SMG6: variants seen among roughly 807,000 people sequenced by gnomAD.
SMG6 encodes telomerase-binding protein EST1A.
SMG6 carries 66 observed loss-of-function variants against 142.2 expected under a neutral mutation model. The ratio of observed to expected loss-of-function variants is 0.46; its 90% CI spans 0.38 to 0.57. The LOEUF is 0.57. Ranked by LOEUF, SMG6 falls within the 20% of genes least tolerant of loss-of-function variation. SMG6 has a pLI of 0.00. For missense variants in SMG6, 1,793 were observed against 1,832.0 expected (o/e 0.98, Z 0.39); for synonymous variants, 779 against 702.4 (o/e 1.11, Z -1.72).
intron 13 of SMG6, among the ~76,000 whole-genome samples, chr17:2,112,327 A>AC (rs2069349660): frequency 6.6e-6 from 1 of 151,134 alleles, no homozygotes; most frequent in Admixed American, 6.6e-5. Flanking sequence ...ACATGGTGAA[A>AC]CCCCGTCTCT....
chr17:2,079,208 C>A (rs2068342092), intron 15 of SMG6, among the ~76,000 whole-genome samples: 3 of 152,198 alleles, frequency 2.0e-5, no homozygotes, highest in Admixed American at 6.5e-5. Flanking sequence ...AAATGATCCA[C>A]CCACCGTGGC....
intron 10 of SMG6, chr17:2,213,695 G>A (rs1213739822): frequency 6.6e-6 from 1 of 152,128 alleles, no homozygotes; most frequent in Non-Finnish European, 1.5e-5. Flanking sequence ...CAATGCCAGG[G>A]TAAAACACCC....
chr17:2,074,254 T>C (rs555212357), intron 15 of SMG6, among the ~76,000 whole-genome samples: 2 of 152,028 alleles, frequency 1.3e-5, no homozygotes, highest in East Asian at 3.9e-4. Context: ...CTGATTTCTA[T>C]GAAAAGACTT....
intron 13 of SMG6, among the ~76,000 whole-genome samples, chr17:2,102,295 T>G (rs946318196): frequency 6.6e-6 from 1 of 152,214 alleles, no homozygotes; most frequent in African/African-American, 2.4e-5. Context: ...CTAATTAACA[T>G]ACCCATCACC....
chr17:2,112,145 G>GT (rs1567606695), intron 13 of SMG6, among the ~76,000 whole-genome samples: 1 of 151,852 alleles, frequency 6.6e-6, no homozygotes, highest in Non-Finnish European at 1.5e-5. Context: ...GGAAAAGGAG[G>GT]TATCTTTACA....
rs529938610 is a variant in SMG6 at position 2,180,537 on chromosome 17, C to T, written c.3155+6126G>A. Among the ~76,000 whole-genome samples, 20 of 152,272 alleles carry T rather than the reference C, an allele frequency of 1.3e-4. 1 individual carries two copies. The East Asian group carries it at 3.7e-3, about 28-fold the overall frequency. On this transcript the variant is annotated intron_variant, in intron 12 of 18. Coordinates refer to ENST00000263073, the MANE Select transcript of SMG6 (RefSeq NM_017575.5). ...TGCCCTCATCACTCTGCAGTGCCAA[C>T]GATACTCTCATCATCATCCTAGGTG...
At chr17:2,166,812 G>T (rs1448767640) in intron 13 of SMG6, among the ~76,000 whole-genome samples, 1 of 152,052 alleles carries the variant, frequency 6.6e-6, no homozygotes. Context: ...AATGAAAAAT[G>T]AAAAAGCAAA....
At chr17:2,069,424 G>A (rs895551504) in intron 15 of SMG6, among the ~76,000 whole-genome samples, 15 of 148,902 alleles carry the variant, frequency 1.0e-4, no homozygotes, top group Middle Eastern at 3.4e-3. Context: ...CTGAAACCCC[G>A]TCTCTACAAA....
intron 10 of SMG6, among the ~76,000 whole-genome samples, chr17:2,193,207 A>T (rs1247031893): frequency 6.6e-6 from 1 of 152,026 alleles, no homozygotes; most frequent in Non-Finnish European, 1.5e-5. Context: ...TTCTTGCAAG[A>T]TCTGGTCCTT....
At chr17:2,170,851 G>A (rs960251234) in intron 13 of SMG6, among the ~76,000 whole-genome samples, 7 of 152,090 alleles carry the variant, frequency 4.6e-5, no homozygotes, top group African/African-American at 1.7e-4. Flanking sequence ...AAAAAATTGG[G>A]AACATTCTCT....
intron 16 of SMG6, 100 bp from the exon 17 acceptor site, chr17:2,065,779 A>C (rs2067925211): frequency 2.2e-5 from 22 of 981,986 alleles, no homozygotes; most frequent in Non-Finnish European, 3.2e-5. Flanking sequence ...CCCAGACCAG[A>C]ATCCATCCTT....
At chr17:2,076,252 G>A (rs923909700) in intron 15 of SMG6, among the ~76,000 whole-genome samples, 1 of 152,148 alleles carries the variant, frequency 6.6e-6, no homozygotes, top group Non-Finnish European at 1.5e-5. Context: ...CCTGGAGACT[G>A]ATGGAGTTCA....
intron 10 of SMG6, among the ~76,000 whole-genome samples, chr17:2,225,771 T>C (rs2073297474): frequency 6.6e-6 from 1 of 152,184 alleles, no homozygotes; most frequent in African/African-American, 2.4e-5. Flanking sequence ...CTTTAATTCC[T>C]AGGGTAACCC....
At chr17:2,211,718 A>C (rs145750516) in intron 10 of SMG6, among the ~76,000 whole-genome samples, 3 of 152,106 alleles carry the variant, frequency 2.0e-5, no homozygotes, top group Non-Finnish European at 4.4e-5. Context: ...GGCTGGAATA[A>C]ACAGAAAGTA....
intron 1 of SMG6, chr17:2,303,236 G>T: frequency 3.9e-6 from 4 of 1,029,902 alleles, no homozygotes; most frequent in Non-Finnish European, 4.7e-6. Flanking sequence ...ACGTTAAAGC[G>T]GTGGCCGGGG....
At chr17:2,245,748 A>C (rs1044188979) in intron 8 of SMG6, among the ~76,000 whole-genome samples, 6 of 151,936 alleles carry the variant, frequency 3.9e-5, no homozygotes, top group Non-Finnish European at 8.8e-5. Context: ...TGGTGTGATC[A>C]CAGCTCACTG....
At chr17:2,135,897 G>A (rs1358935583) in intron 13 of SMG6, among the ~76,000 whole-genome samples, 1 of 150,118 alleles carries the variant, frequency 6.7e-6, no homozygotes, top group Non-Finnish European at 1.5e-5. Flanking sequence ...ATGTTGTCCA[G>A]GCTGGTCTTG....
Position 2,300,266 on chromosome 17 carries a change from C to A in SMG6, c.487G>T (p.Val163Leu). ...QTVSKESASRVEEEEVLNQVE... is the reference protein window; with the variant it reads ...QTVSKESASRLEEEEVLNQVE... Reference sequence around the variant, plus strand: ...TGGTTGAGGACTTCTTCCTCCTCCACCCGACTGGCGGATTCTTTGCTAACA... The same window carrying A: ...TGGTTGAGGACTTCTTCCTCCTCCAACCGACTGGCGGATTCTTTGCTAACA... Residue 163 changes from valine to leucine, a missense_variant, in exon 2 of 19, where the codon GTG becomes TTG. Coordinates refer to ENST00000263073, the MANE Select transcript of SMG6 (RefSeq NM_017575.5). 1 of 1,614,176 alleles carries A rather than the reference C, an allele frequency of 6.2e-7. No homozygotes were observed. The highest frequency in any genetic ancestry group is 8.5e-7 in the Non-Finnish European group (1 of 1,180,050).
At chr17:2,165,401 C>G in intron 13 of SMG6, among the ~76,000 whole-genome samples, 1 of 152,186 alleles carries the variant, frequency 6.6e-6, no homozygotes, top group Non-Finnish European at 1.5e-5. Context: ...ACCACTTGGT[C>G]CCCTTCCCAC....
Sources: allele counts gnomAD v4.1 joint callset (sites outside exome capture counted in the v4.1 genomes callset), GRCh38; gene constraint gnomAD v4.1.1; transcripts MANE v1.5; gene names NCBI Gene and HGNC (gene_info 2026-07-23, HGNC 2026-07-21).